The following GRIP1 variants were observed in gnomAD, a reference collection of about 807,000 sequenced individuals.
GRIP1 encodes glutamate receptor interacting protein 1, also known as glutamate receptor-interacting protein 1.
In GRIP1, 45 loss-of-function variants were observed where a neutral mutation model predicts 129.9. That is an observed-to-expected ratio of 0.35 (90% CI 0.27 to 0.44). GRIP1 has a LOEUF of 0.44. Among genes scored for constraint, GRIP1 ranks in the 20% least tolerant of loss-of-function variants. The pLI is 1.00. For synonymous variants in GRIP1, 530 were observed against 520.8 expected (o/e 1.02, Z -0.24); for missense variants, 1,196 against 1,396.8 (o/e 0.86, Z 2.29).
At chr12:66,921,508 G>C (rs534697673) in intron 1 of GRIP1, among the ~76,000 whole-genome samples, 2 of 152,206 alleles carry the variant, frequency 1.3e-5, no homozygotes, top group South Asian at 4.2e-4. Context: ...CCATTTCTGG[G>C]CCCCATGCAT....
rs116700315 is a variant in GRIP1, at chr12:67,051,030, A to G, written c.58+18020T>C. Among the ~76,000 whole-genome samples the G allele has an allele frequency of 9.3e-3, 1,423 of 152,292 alleles. 22 individuals carry two copies. Among genetic ancestry groups the G allele is most frequent in the African/African-American group, 0.033 (1,355 of 41,558 alleles). On this transcript the variant is annotated intron_variant, in intron 1 of 1. Transcript: ENST00000643019. ...ACAAAGCATGCACTTGGGACATAGTAAAAGAACAACGGAGGAGAGACAGAC... is the reference window on the plus strand; with the variant it reads ...ACAAAGCATGCACTTGGGACATAGTGAAAGAACAACGGAGGAGAGACAGAC...
At chr12:66,661,159 T>C (rs907186647) in intron 1 of GRIP1, among the ~76,000 whole-genome samples, 1 of 152,068 alleles carries the variant, frequency 6.6e-6, no homozygotes, top group African/African-American at 2.4e-5. Flanking sequence ...ATGGCTCCTA[T>C]ACAGTAATCT....
intron 1 of GRIP1, among the ~76,000 whole-genome samples, chr12:66,992,864 G>T (rs914729125): frequency 6.6e-6 from 1 of 152,200 alleles, no homozygotes; most frequent in African/African-American, 2.4e-5. Context: ...TATAATCCCA[G>T]CACTTTGGGA....
At chr12:66,396,350 A>G (rs566214391) in intron 16 of GRIP1, among the ~76,000 whole-genome samples, 20 of 152,242 alleles carry the variant, frequency 1.3e-4, no homozygotes, top group African/African-American at 4.6e-4. Flanking sequence ...TGTCCATTGA[A>G]ACTGCAGTCA....
At chr12:66,727,844 T>C (rs1419199461) in intron 1 of GRIP1, among the ~76,000 whole-genome samples, 1 of 152,144 alleles carries the variant, frequency 6.6e-6, no homozygotes, top group African/African-American at 2.4e-5. Flanking sequence ...AATATGCATA[T>C]AAGTTCAGAG....
At chr12:66,724,369 C>T (rs1198478852) in intron 1 of GRIP1, among the ~76,000 whole-genome samples, 4 of 152,136 alleles carry the variant, frequency 2.6e-5, no homozygotes, top group African/African-American at 7.2e-5. Context: ...AAGGGTTCAG[C>T]GGTGCTGAGC....
At chr12:67,027,847 A>G (rs1248574859) in intron 1 of GRIP1, among the ~76,000 whole-genome samples, 3 of 152,204 alleles carry the variant, frequency 2.0e-5, no homozygotes, top group African/African-American at 7.2e-5. Flanking sequence ...TGACCTTAAA[A>G]AAACAGTTGA....
chr12:66,793,357 C>G (rs2038599914), intron 1 of GRIP1, among the ~76,000 whole-genome samples: 1 of 152,266 alleles, frequency 6.6e-6, no homozygotes, highest in South Asian at 2.1e-4. Context: ...CAACTCTAAA[C>G]TGGATCTGTT....
chr12:66,585,794 T>G (rs1457059458), intron 2 of GRIP1, among the ~76,000 whole-genome samples: 3 of 151,594 alleles, frequency 2.0e-5, no homozygotes, highest in African/African-American at 7.3e-5. Context: ...TGATCGCCAT[T>G]CTAACTGGTG....
intron 7 of GRIP1, among the ~76,000 whole-genome samples, chr12:66,472,307 T>C (rs901310797): frequency 1.3e-5 from 2 of 152,196 alleles, no homozygotes; most frequent in African/African-American, 4.8e-5. Context: ...TTACTATTCC[T>C]TCTTTCCTTC....
intron 2 of GRIP1, among the ~76,000 whole-genome samples, chr12:66,559,500 A>G (rs1393980715): frequency 6.6e-6 from 1 of 152,202 alleles, no homozygotes; most frequent in Non-Finnish European, 1.5e-5. Context: ...TACAAAATCA[A>G]CATAAAAAAT....
chr12:66,809,654 C>A (rs117884721), intron 1 of GRIP1, among the ~76,000 whole-genome samples: 2,498 of 151,412 alleles, frequency 0.016, 28 homozygotes, highest in Non-Finnish European at 0.024. Flanking sequence ...AATTTAAACA[C>A]AAAATGTCTT....
chr12:66,396,068 A>G (rs1286162197), intron 16 of GRIP1, among the ~76,000 whole-genome samples: 1 of 152,194 alleles, frequency 6.6e-6, no homozygotes, highest in African/African-American at 2.4e-5. Context: ...CATCAACAAT[A>G]TCCTGGATGA....
chr12:66,452,576 T>C (rs979085974), intron 11 of GRIP1, among the ~76,000 whole-genome samples: 5 of 152,180 alleles, frequency 3.3e-5, no homozygotes, highest in African/African-American at 1.2e-4. Context: ...CATTTTCTGT[T>C]TTGCAAACTC....
chr12:66,368,312 T>G (rs564517695), intron 23 of GRIP1, among the ~76,000 whole-genome samples: 1 of 152,302 alleles, frequency 6.6e-6, no homozygotes, highest in Non-Finnish European at 1.5e-5. Context: ...TTGATCCAAC[T>G]TATAGTGAAA....
chr12:66,577,107 T>G (rs1362295452), intron 2 of GRIP1, among the ~76,000 whole-genome samples: 1 of 152,212 alleles, frequency 6.6e-6, no homozygotes, highest in African/African-American at 2.4e-5. Context: ...GAAAACATGT[T>G]CTATAAGGCA....
chr12:66,897,001 C>T (rs971271264), intron 1 of GRIP1, among the ~76,000 whole-genome samples: 2 of 152,188 alleles, frequency 1.3e-5, no homozygotes, highest in African/African-American at 4.8e-5. Flanking sequence ...CGTGCAGGCT[C>T]GGGAGCCAGT....
intron 17 of GRIP1, among the ~76,000 whole-genome samples, chr12:66,393,753 G>A (rs2056683856): frequency 1.3e-5 from 2 of 152,206 alleles, no homozygotes; most frequent in South Asian, 2.1e-4. Context: ...ATTAAAATGG[G>A]TTATACACTT....
intron 1 of GRIP1, among the ~76,000 whole-genome samples, chr12:66,861,981 C>T (rs1443657047): frequency 6.6e-6 from 1 of 151,952 alleles, no homozygotes; most frequent in African/African-American, 2.4e-5. Flanking sequence ...AGTCTAGTCA[C>T]AAGAACAGAT....
Sources: gnomAD v4.1 joint callset for allele counts (sites outside exome capture counted in the v4.1 genomes callset) on GRCh38, gnomAD v4.1.1 for gene constraint, MANE v1.5 for transcripts, NCBI Gene and HGNC (gene_info 2026-07-23, HGNC 2026-07-21) for gene names.